Variants in TANC1 observed in about 807,000 individuals in gnomAD.
TANC1 encodes protein TANC1.
Under a neutral mutation model 149.7 loss-of-function variants are expected in TANC1, and 77 were observed. The ratio of observed to expected loss-of-function variants is 0.51; its 90% CI spans 0.43 to 0.62. TANC1 has a LOEUF of 0.62. TANC1 is among the 20% of genes least tolerant of loss of function. TANC1 has a pLI of 0.00. For missense variants in TANC1, 1,985 were observed against 2,321.8 expected, an observed-to-expected ratio of 0.85 and a Z score of 2.98; for synonymous variants, 854 against 925.0, an observed-to-expected ratio of 0.92 and a Z score of 1.39.
At chr2:159,092,870 C>CT (rs1337465386) in intron 3 of TANC1, among the ~76,000 whole-genome samples, 2 of 152,144 alleles carry the variant, frequency 1.3e-5, no homozygotes, top group African/African-American at 4.8e-5. Flanking sequence ...GGATCTCTAT[C>CT]TTTTTCCCCA....
At chr2:159,093,346 C>G (rs1225474808) in intron 3 of TANC1, among the ~76,000 whole-genome samples, 1 of 152,226 alleles carries the variant, frequency 6.6e-6, no homozygotes, top group Non-Finnish European at 1.5e-5. Context: ...TTTAATTCCT[C>G]TTAAATGTCT....
chr2:159,193,879 C>T (rs1237617229), intron 16 of TANC1, among the ~76,000 whole-genome samples: 4 of 151,694 alleles, frequency 2.6e-5, no homozygotes, highest in Admixed American at 6.6e-5. Flanking sequence ...CAGGGCCTTG[C>T]TGTGTTGCCC....
At chr2:159,003,137 G>C (rs1211344266) in intron 2 of TANC1, among the ~76,000 whole-genome samples, 2 of 152,174 alleles carry the variant, frequency 1.3e-5, no homozygotes, top group Non-Finnish European at 2.9e-5. Context: ...GATCTGTGGA[G>C]CTTTTCATAG....
intron 19 of TANC1, among the ~76,000 whole-genome samples, chr2:159,210,232 G>A (rs990267176): frequency 2.6e-5 from 4 of 152,148 alleles, no homozygotes; most frequent in African/African-American, 9.7e-5. Context: ...TGACCCTGCC[G>A]CCCTTCTCTC....
At chr2:159,130,574 AC>A (rs2049970745) in intron 4 of TANC1, among the ~76,000 whole-genome samples, 2 of 152,088 alleles carry the variant, frequency 1.3e-5, no homozygotes. Context: ...ATGGCTCCTG[AC>A]TGTGTGGCCT....
At chr2:159,074,356 A>C (rs1017498209) in intron 3 of TANC1, among the ~76,000 whole-genome samples, 6 of 152,118 alleles carry the variant, frequency 3.9e-5, no homozygotes, top group Non-Finnish European at 8.8e-5. Flanking sequence ...ATGCCCTGGG[A>C]TGTCATCAGG....
chr2:159,123,701 C>G (rs1043931358), intron 4 of TANC1, among the ~76,000 whole-genome samples: 1 of 152,188 alleles, frequency 6.6e-6, no homozygotes, highest in African/African-American at 2.4e-5. Flanking sequence ...CAGAAATAAA[C>G]TTTTTCTTAT....
intron 3 of TANC1, among the ~76,000 whole-genome samples, chr2:159,091,969 G>GGGT (rs561460848): frequency 8.9e-5 from 13 of 145,356 alleles, no homozygotes; most frequent in South Asian, 2.1e-4. Flanking sequence ...TATAGGGGGG[G>GGGT]GTGTGTGTGT....
chr2:158,992,766 C>A (rs1031787208), intron 1 of TANC1, among the ~76,000 whole-genome samples: 1 of 151,572 alleles, frequency 6.6e-6, no homozygotes, highest in Non-Finnish European at 1.5e-5. Flanking sequence ...GTGATCCACC[C>A]GCCTCGGCTT....
chr2:159,035,672 C>T (rs1189172055), intron 2 of TANC1, among the ~76,000 whole-genome samples: 1 of 152,136 alleles, frequency 6.6e-6, no homozygotes, highest in African/African-American at 2.4e-5. Context: ...CATGTAGGAC[C>T]AAATACAGAA....
chr2:159,117,288 G>C (rs1399050727), intron 4 of TANC1, among the ~76,000 whole-genome samples: 1 of 152,172 alleles, frequency 6.6e-6, no homozygotes, highest in Non-Finnish European at 1.5e-5. Flanking sequence ...AAAGAATGCA[G>C]AGTTCCCGTG....
chr2:159,228,637 A>C, intron 25 of TANC1, 159 bp from the exon 26 acceptor site: 3 of 639,808 alleles, frequency 4.7e-6, no homozygotes, highest in Non-Finnish European at 5.6e-6. Context: ...AACCATCATT[A>C]TCTCCTCACT....
chr2:159,081,863 C>A (rs1189753771), intron 3 of TANC1, among the ~76,000 whole-genome samples: 1 of 152,240 alleles, frequency 6.6e-6, no homozygotes, highest in Non-Finnish European at 1.5e-5. Context: ...CAGCTAACCG[C>A]TTCCCAAGAG....
chr2:159,212,035 G>C (rs2059020344), intron 19 of TANC1, among the ~76,000 whole-genome samples: 1 of 152,198 alleles, frequency 6.6e-6, no homozygotes. Context: ...TTTAGTGCTG[G>C]ACTGTCATTT....
At chr2:159,132,410 C>T (rs2050194194) in intron 4 of TANC1, among the ~76,000 whole-genome samples, 1 of 152,096 alleles carries the variant, frequency 6.6e-6, no homozygotes, top group African/African-American at 2.4e-5. Flanking sequence ...ATTTGCTCAC[C>T]TTTAGGGTCT....
intron 2 of TANC1, among the ~76,000 whole-genome samples, chr2:159,030,024 G>T (rs1440716360): frequency 6.6e-6 from 1 of 152,136 alleles, no homozygotes; most frequent in Non-Finnish European, 1.5e-5. Flanking sequence ...ATAACACTGA[G>T]AATTATTTTG....
chr2:159,164,703 T>C (rs539249977), intron 8 of TANC1, among the ~76,000 whole-genome samples: 28 of 152,334 alleles, frequency 1.8e-4, no homozygotes, highest in Non-Finnish European at 4.0e-4. Flanking sequence ...TTCTCTGTGA[T>C]TTATACTGTG....
intron 1 of TANC1, among the ~76,000 whole-genome samples, chr2:158,970,256 G>C (rs1312591331): frequency 6.6e-6 from 1 of 152,128 alleles, no homozygotes; most frequent in Non-Finnish European, 1.5e-5. Flanking sequence ...CACCAGATCC[G>C]CTACCCTCTT....
At chr2:159,006,104 T>C (rs1445896816) in intron 2 of TANC1, among the ~76,000 whole-genome samples, 1 of 152,016 alleles carries the variant, frequency 6.6e-6, no homozygotes, top group Admixed American at 6.6e-5. Context: ...AGACTGGCCC[T>C]GGCTAACATG....
Sources: allele counts gnomAD v4.1 joint callset (sites outside exome capture counted in the v4.1 genomes callset), GRCh38; gene constraint gnomAD v4.1.1; transcripts MANE v1.5; gene names NCBI Gene and HGNC (gene_info 2026-07-23, HGNC 2026-07-21).